The following ANKFN1 variants were observed in gnomAD, a reference collection of about 807,000 sequenced individuals.
The protein encoded by ANKFN1 is ankyrin repeat and fibronectin type III domain containing 1.
A neutral mutation model predicts 108.7 loss-of-function variants in ANKFN1; 74 were observed. The ratio of observed to expected loss-of-function variants is 0.68; its 90% confidence interval spans 0.56 to 0.83. The LOEUF is 0.83. ANKFN1 is among the 40% of genes least tolerant of loss of function. ANKFN1 has a pLI of 0.00. For missense variants in ANKFN1, 1,505 were observed against 1,382.3 expected (o/e 1.09, Z -1.41); for synonymous variants, 547 against 516.2 (o/e 1.06, Z -0.81).
At position 56,407,847 on chromosome 17, in the gene ANKFN1, A is replaced by G. The variant is rs1311296841; in HGVS notation, c.911-32480A>G. Among the ~76,000 whole-genome samples, 5 of 152,050 alleles carry G rather than the reference A, an allele frequency of 3.3e-5. No individual in the cohort carries two copies. The South Asian group carries it at 8.3e-4, about 25-fold the overall frequency. On this transcript the variant is annotated intron_variant, in intron 8 of 20. Transcript: ENST00000682825. ...CTTGATGCTTTCTTCAATAACGCCA[A>G]TTACTACAACTGTTTTCAATATAAA... is the stretch of plus-strand genomic sequence containing the variant.
intron 8 of ANKFN1, among the ~76,000 whole-genome samples, chr17:56,424,271 C>A (rs1332795825): frequency 6.6e-6 from 1 of 152,192 alleles, no homozygotes; most frequent in African/African-American, 2.4e-5. Flanking sequence ...CTCCATGATT[C>A]CTTCTCTACA....
chr17:56,512,009 G>C lies in ANKFN1; in HGVS notation c.*740G>C, dbSNP rs1201897032. Among the ~76,000 whole-genome samples, 1 of 152,134 alleles carries C rather than the reference G, an allele frequency of 6.6e-6. No homozygotes were observed. Among genetic ancestry groups the C allele is most frequent in the African/African-American group, 2.4e-5 (1 of 41,404 alleles). The stretch of plus-strand genomic sequence containing the variant: ...GAAAGTAGCCCTTCCTGTATACTCA[G>C]CTCCCATCCAAGCATGAAAATGATC... On this transcript the variant is annotated 3_prime_UTR_variant, in exon 21 of 21. Transcript: ENST00000682825.
chr17:56,213,753 C>T (rs1567841570), intron 2 of ANKFN1, among the ~76,000 whole-genome samples: 1 of 152,200 alleles, frequency 6.6e-6, no homozygotes, highest in Non-Finnish European at 1.5e-5. Flanking sequence ...TTTCAGTCCA[C>T]ATAACTCTTA....
intron 4 of ANKFN1, among the ~76,000 whole-genome samples, chr17:56,069,651 C>T (rs1362701954): frequency 1.3e-5 from 2 of 152,104 alleles, no homozygotes; most frequent in Admixed American, 6.5e-5. Context: ...TTTATTCTCC[C>T]ACGATCTAAA....
intron 4 of ANKFN1, among the ~76,000 whole-genome samples, chr17:56,113,666 G>T (rs1906101304): frequency 6.6e-6 from 1 of 152,116 alleles, no homozygotes; most frequent in Non-Finnish European, 1.5e-5. Flanking sequence ...TGTAATCTTT[G>T]GCACGGTGCC....
chr17:56,077,044 T>A (rs1905189935), intron 4 of ANKFN1, among the ~76,000 whole-genome samples: 1 of 152,176 alleles, frequency 6.6e-6, no homozygotes, highest in African/African-American at 2.4e-5. Context: ...GATCTAACAC[T>A]GAGTAGGAGT....
At chr17:56,262,935 A>C (rs1207520246) in intron 3 of ANKFN1, among the ~76,000 whole-genome samples, 1 of 152,216 alleles carries the variant, frequency 6.6e-6, no homozygotes, top group Non-Finnish European at 1.5e-5. Context: ...ACCATTGTTA[A>C]GGTGCTTTTG....
intron 3 of ANKFN1, among the ~76,000 whole-genome samples, chr17:56,271,854 C>T (rs558068881): frequency 6.6e-6 from 1 of 152,110 alleles, no homozygotes; most frequent in Non-Finnish European, 1.5e-5. Flanking sequence ...TTCAGCAAGC[C>T]GTTTACCCTC....
intron 3 of ANKFN1, among the ~76,000 whole-genome samples, chr17:56,304,263 G>A (rs1015839626): frequency 2.0e-5 from 3 of 152,090 alleles, no homozygotes; most frequent in Non-Finnish European, 4.4e-5. Flanking sequence ...AGTATGTAAC[G>A]TTTTAATGTT....
chr17:56,480,786 C>T lies in ANKFN1; in HGVS notation c.2059C>T (p.Leu687Phe), dbSNP rs1024430606. Residue 687 changes from leucine (L) to phenylalanine (F), a missense_variant, in exon 17 of 21, where the codon CTC becomes TTC. Transcript: ENST00000682825. ...FYELQMAVKA[L>F]LQQINIPLHQ... ...CGAGCTCCAGATGGCAGTGAAAGCT[C>T]TCCTTCAGCAGATCAATATACCTCT... 1.9e-6 allele frequency: 3 copies of T among 1,613,808 alleles called. No individual in the cohort carries two copies. The highest frequency in any genetic ancestry group is 3.3e-5 in the Admixed American group (2 of 59,992).
At chr17:56,189,170 C>CGTTTTTTTTTTTTTTTTTTTTT (rs1555607722) in intron 1 of ANKFN1, among the ~76,000 whole-genome samples, 1 of 85,290 alleles carries the variant, frequency 1.2e-5, no homozygotes, top group African/African-American at 6.8e-5. Context: ...GTTGCCCTGA[C>CGTTTTTTTTTTTTTTTTTTTTT]TTTTTTTTTT....
chr17:56,223,956 G>T (rs1469221659), intron 2 of ANKFN1, among the ~76,000 whole-genome samples: 1 of 152,200 alleles, frequency 6.6e-6, no homozygotes, highest in Non-Finnish European at 1.5e-5. Context: ...CTATTTTACA[G>T]TTGAAGGCCT....
At chr17:56,204,803 C>T (rs955996643) in intron 1 of ANKFN1, among the ~76,000 whole-genome samples, 2 of 151,934 alleles carry the variant, frequency 1.3e-5, no homozygotes, top group South Asian at 2.1e-4. Flanking sequence ...TGGCTGGGCG[C>T]GGTGGCTCAC....
At chr17:56,351,009 C>A in intron 5 of ANKFN1, 42 bp downstream of exon 5, 1 of 1,584,954 alleles carries the variant, frequency 6.3e-7, no homozygotes, top group South Asian at 1.1e-5. Context: ...TTGATTTATT[C>A]ATTTATGTTT....
intron 4 of ANKFN1, among the ~76,000 whole-genome samples, chr17:56,335,886 T>G (rs1045008039): frequency 1.3e-5 from 2 of 152,224 alleles, no homozygotes; most frequent in African/African-American, 4.8e-5. Flanking sequence ...TTGAGATATG[T>G]TCCACCAATA....
intron 1 of ANKFN1, among the ~76,000 whole-genome samples, chr17:56,189,179 T>TTTTTTTTTTTTTTTTTTTGTTTTG (rs1244013476): frequency 4.5e-5 from 5 of 111,400 alleles, no homozygotes; most frequent in African/African-American, 2.5e-4. Context: ...ACTTTTTTTT[T>TTTTTTTTTTTTTTTTTTTGTTTTG]TTTTTTTTTG....
rs1423361055 is a variant in ANKFN1 at position 56,246,748 on chromosome 17, G to A, written c.53+18791G>A. Among the ~76,000 whole-genome samples, 6 of 151,560 alleles carry A rather than the reference G, an allele frequency of 4.0e-5. No individual in the cohort carries two copies. The South Asian group carries it at 8.3e-4, about 21-fold the overall frequency. On this transcript the variant is annotated intron_variant, in intron 3 of 20. Coordinates refer to ENST00000682825, the MANE Select transcript of ANKFN1 (RefSeq NM_001370326.1). ...TTTCAATTAGATTTAAAAAAAAAACGCAGGCCATTTCCTTTGATATATGTA... is the reference window on the plus strand; with the variant it reads ...TTTCAATTAGATTTAAAAAAAAAACACAGGCCATTTCCTTTGATATATGTA...
At chr17:56,057,186 C>T (rs566559080) in intron 4 of ANKFN1, among the ~76,000 whole-genome samples, 30 of 152,330 alleles carry the variant, frequency 2.0e-4, no homozygotes, top group Non-Finnish European at 3.8e-4. Context: ...TTCTAGTTCT[C>T]TTGTTCTTTC....
intron 4 of ANKFN1, among the ~76,000 whole-genome samples, chr17:56,089,115 G>A (rs1192800900): frequency 6.6e-6 from 1 of 151,274 alleles, no homozygotes; most frequent in Non-Finnish European, 1.5e-5. Flanking sequence ...ATTTTAAAAG[G>A]GCGAAGGACT....
Sources: allele counts gnomAD v4.1 joint callset (sites outside exome capture counted in the v4.1 genomes callset), GRCh38; gene constraint gnomAD v4.1.1; transcripts MANE v1.5; gene names NCBI Gene and HGNC (gene_info 2026-07-23, HGNC 2026-07-21).